RALYL: variants seen among roughly 807,000 people sequenced by gnomAD.
RALYL encodes the protein RNA-binding Raly-like protein.
Under a neutral mutation model 35.1 loss-of-function variants are expected in RALYL, and 29 were observed. The observed-to-expected ratio is 0.83, with a 90% CI of 0.61 to 1.13. The LOEUF (loss-of-function observed/expected upper bound fraction) is 1.13, where lower values mean the gene tolerates loss of function less well. RALYL is among the 50% of genes most tolerant of loss of function. The pLI is 0.00. For synonymous variants in RALYL, 120 were observed against 127.6 expected (o/e 0.94, Z 0.40); for missense variants, 359 against 360.4 (o/e 1.00, Z 0.03).
intron 8 of RALYL, among the ~76,000 whole-genome samples, chr8:84,918,506 C>A (rs1331838059): frequency 6.6e-6 from 1 of 151,984 alleles, no homozygotes; most frequent in East Asian, 1.9e-4. Flanking sequence ...TAAAAGCTTC[C>A]AAGCTCCCAA....
intron 1 of RALYL, among the ~76,000 whole-genome samples, chr8:84,191,717 C>T (rs147279879): frequency 2.0e-4 from 30 of 151,930 alleles, no homozygotes; most frequent in Middle Eastern, 3.4e-3. Context: ...AAATTGTAAA[C>T]GTTGAGTAAA....
intron 1 of RALYL, among the ~76,000 whole-genome samples, chr8:84,224,748 C>A (rs1261141155): frequency 6.6e-6 from 1 of 151,904 alleles, no homozygotes; most frequent in Non-Finnish European, 1.5e-5. Flanking sequence ...CCTCTACCTC[C>A]TGGGTTCAAG....
At chr8:84,259,825 T>C (rs1185830990) in intron 1 of RALYL, among the ~76,000 whole-genome samples, 1 of 152,152 alleles carries the variant, frequency 6.6e-6, no homozygotes, top group East Asian at 1.9e-4. Flanking sequence ...ATGCTGTGTG[T>C]TTCAGCAGTC....
chr8:84,807,514 T>A (rs1427992005), intron 4 of RALYL, among the ~76,000 whole-genome samples: 1 of 152,232 alleles, frequency 6.6e-6, no homozygotes, highest in Non-Finnish European at 1.5e-5. Context: ...TGACTTCTTT[T>A]CCTCTGGGTG....
chr8:84,589,909 A>G (rs537016322), intron 2 of RALYL, among the ~76,000 whole-genome samples: 65 of 152,360 alleles, frequency 4.3e-4, no homozygotes, highest in African/African-American at 1.5e-3. Flanking sequence ...TTATCTGTAC[A>G]TTGAACATGA....
intron 8 of RALYL, among the ~76,000 whole-genome samples, chr8:84,895,391 T>C (rs1168340687): frequency 6.6e-6 from 1 of 152,080 alleles, no homozygotes; most frequent in African/African-American, 2.4e-5. Flanking sequence ...AAGTCTTTTA[T>C]GATGTAGAGC....
intron 2 of RALYL, among the ~76,000 whole-genome samples, chr8:84,531,082 G>A (rs2134993526): frequency 6.6e-6 from 1 of 152,208 alleles, no homozygotes; most frequent in East Asian, 1.9e-4. Flanking sequence ...ATTACTGTGT[G>A]TTAATTTTTT....
chr8:84,262,972 A>C (rs1832597064), intron 1 of RALYL, among the ~76,000 whole-genome samples: 1 of 152,190 alleles, frequency 6.6e-6, no homozygotes, highest in African/African-American at 2.4e-5. Flanking sequence ...TTTAATAACA[A>C]GATTAAATTT....
intron 1 of RALYL, among the ~76,000 whole-genome samples, chr8:84,459,174 A>T (rs1050935020): frequency 1.3e-5 from 2 of 151,694 alleles, no homozygotes; most frequent in African/African-American, 4.8e-5. Context: ...CCTAACAGAG[A>T]ATTGTATGTA....
intron 1 of RALYL, among the ~76,000 whole-genome samples, chr8:84,232,020 G>T (rs1267130020): frequency 1.3e-5 from 2 of 152,076 alleles, no homozygotes; most frequent in Admixed American, 6.6e-5. Context: ...CCAAAAAAAG[G>T]CTTTAATAAA....
intron 2 of RALYL, among the ~76,000 whole-genome samples, chr8:84,754,824 A>G (rs1281226467): frequency 6.6e-6 from 1 of 152,206 alleles, no homozygotes; most frequent in Non-Finnish European, 1.5e-5. Context: ...AATAAGAAGA[A>G]GAAGAACAGT....
chr8:84,722,345 T>C (rs1040594892), intron 2 of RALYL, among the ~76,000 whole-genome samples: 2 of 151,884 alleles, frequency 1.3e-5, no homozygotes, highest in Non-Finnish European at 2.9e-5. Flanking sequence ...AGACAAAATA[T>C]TGTATGGTTG....
At chr8:84,413,100 CTAAT>C (rs2044259417) in intron 1 of RALYL, among the ~76,000 whole-genome samples, 1 of 149,324 alleles carries the variant, frequency 6.7e-6, no homozygotes, top group Non-Finnish European at 1.5e-5. Flanking sequence ...TTATATATTA[CTAAT>C]TAAAAACTAT....
intron 7 of RALYL, among the ~76,000 whole-genome samples, chr8:84,884,457 T>C (rs1357980732): frequency 6.6e-6 from 1 of 151,918 alleles, no homozygotes; most frequent in Non-Finnish European, 1.5e-5. Context: ...TATGCTTCCT[T>C]GGCCAGAGAT....
At chr8:84,400,156 T>A (rs1308256082) in intron 1 of RALYL, among the ~76,000 whole-genome samples, 1 of 152,100 alleles carries the variant, frequency 6.6e-6, no homozygotes, top group Non-Finnish European at 1.5e-5. Context: ...AGTGTGTCAT[T>A]TTTTGGATTT....
intron 4 of RALYL, among the ~76,000 whole-genome samples, chr8:84,812,278 T>C (rs546838024): frequency 6.6e-6 from 1 of 152,330 alleles, no homozygotes; most frequent in Admixed American, 6.5e-5. Context: ...CTTCTGGGTC[T>C]AGCCACCCAG....
intron 2 of RALYL, among the ~76,000 whole-genome samples, chr8:84,550,718 C>T (rs1471988891): frequency 3.3e-5 from 5 of 151,636 alleles, no homozygotes; most frequent in Admixed American, 6.6e-5. Context: ...CCATTATGAA[C>T]GCGGTTCCTA....
At chr8:84,487,315 A>G (rs926856511) in intron 1 of RALYL, among the ~76,000 whole-genome samples, 2 of 152,072 alleles carry the variant, frequency 1.3e-5, no homozygotes, top group Non-Finnish European at 2.9e-5. Flanking sequence ...GACTGTTCCT[A>G]CTGTTCCACC....
At chr8:84,702,052 A>G (rs186637581) in intron 2 of RALYL, among the ~76,000 whole-genome samples, 1 of 152,342 alleles carries the variant, frequency 6.6e-6, no homozygotes. Flanking sequence ...GATGATAAGA[A>G]TAATAAAAAT....
Sources: allele counts gnomAD v4.1 joint callset (sites outside exome capture counted in the v4.1 genomes callset), GRCh38; gene constraint gnomAD v4.1.1; transcripts MANE v1.5; gene names NCBI Gene and HGNC (gene_info 2026-07-23, HGNC 2026-07-21).